RNF212B: variants seen among roughly 807,000 people sequenced by gnomAD.
The protein encoded by RNF212B is E3 ubiquitin-protein ligase RNF212B.
A neutral mutation model predicts 55.5 loss-of-function variants in RNF212B; 52 were observed. The observed-to-expected ratio is 0.94, with a 90% confidence interval of 0.75 to 1.18. The LOEUF (loss-of-function observed/expected upper bound fraction) is 1.18. Ranked by LOEUF, RNF212B falls within the 50% of genes most tolerant of loss-of-function variation. The pLI, the probability that RNF212B is intolerant of heterozygous loss-of-function variation, is 0.00. For synonymous variants in RNF212B, 99 were observed against 121.4 expected (o/e 0.82, Z 1.21); for missense variants, 289 against 350.4 (o/e 0.82, Z 1.40).
At chr14:23,214,156 A>C (rs932878003) in intron 2 of RNF212B, among the ~76,000 whole-genome samples, 1 of 152,142 alleles carries the variant, frequency 6.6e-6, no homozygotes, top group Non-Finnish European at 1.5e-5. Flanking sequence ...CACTTATAAA[A>C]TTTTTTTAAA....
chr14:23,251,814 C>CAAAAAAAAAAG, intron 4 of RNF212B, among the ~76,000 whole-genome samples: 1 of 136,406 alleles, frequency 7.3e-6, no homozygotes, highest in South Asian at 2.4e-4. Flanking sequence ...GACTCTGTCT[C>CAAAAAAAAAAG]AAAAAAAAAA....
At chr14:23,211,046 C>T (rs1293844815) in intron 2 of RNF212B, among the ~76,000 whole-genome samples, 3 of 151,764 alleles carry the variant, frequency 2.0e-5, no homozygotes, top group East Asian at 1.9e-4. Context: ...AGTGAAACCC[C>T]GTCTCTACTG....
intron 2 of RNF212B, among the ~76,000 whole-genome samples, chr14:23,214,942 T>C (rs1369479740): frequency 1.3e-5 from 2 of 152,172 alleles, no homozygotes; most frequent in African/African-American, 4.8e-5. Flanking sequence ...ACACTAATAA[T>C]TTTCAGAAAA....
intron 2 of RNF212B, among the ~76,000 whole-genome samples, chr14:23,214,241 C>T (rs1400387651): frequency 6.6e-6 from 1 of 152,182 alleles, no homozygotes; most frequent in Admixed American, 6.5e-5. Context: ...AGCCTGTAAT[C>T]CCAGCATTTT....
intron 4 of RNF212B, among the ~76,000 whole-genome samples, chr14:23,251,675 G>C (rs1358193657): frequency 6.6e-6 from 1 of 152,106 alleles, no homozygotes; most frequent in African/African-American, 2.4e-5. Flanking sequence ...AAGTAGATGG[G>C]TGTGGTGGCG....
intron 1 of RNF212B, among the ~76,000 whole-genome samples, chr14:23,238,434 A>T (rs1883291124): frequency 6.6e-6 from 1 of 151,764 alleles, no homozygotes; most frequent in African/African-American, 2.4e-5. Flanking sequence ...ACACACACAC[A>T]TCCTACGAAA....
At chr14:23,263,643 C>A (rs1463952228) in intron 9 of RNF212B, among the ~76,000 whole-genome samples, 1 of 152,132 alleles carries the variant, frequency 6.6e-6, no homozygotes, top group Non-Finnish European at 1.5e-5. Context: ...TCAGGGAATC[C>A]CTCCTCTTGG....
intron 11 of RNF212B, 82 bp downstream of exon 11, chr14:23,264,753 T>C: frequency 2.5e-6 from 2 of 784,852 alleles, no homozygotes. Context: ...ATGCATAATA[T>C]AATGCCATTT....
At chr14:23,241,494 G>T (rs1177522576) in intron 2 of RNF212B, among the ~76,000 whole-genome samples, 1 of 151,996 alleles carries the variant, frequency 6.6e-6, no homozygotes, top group Non-Finnish European at 1.5e-5. Context: ...CACAATCTTG[G>T]CTCACTGCAA....
intron 2 of RNF212B, among the ~76,000 whole-genome samples, chr14:23,230,470 C>T (rs11623889): frequency 0.16 from 24,947 of 151,604 alleles, 2,095 homozygotes; most frequent in Non-Finnish European, 0.18. Flanking sequence ...CTGGCTAACA[C>T]GGTGAAACCC....
intron 12 of RNF212B, among the ~76,000 whole-genome samples, chr14:23,269,335 C>A (rs1885912144): frequency 6.6e-6 from 1 of 152,112 alleles, no homozygotes; most frequent in Admixed American, 6.6e-5. Context: ...ACTCTGCCAG[C>A]AGTCCTGGGA....
At chr14:23,199,724 C>T (rs564433534) in intron 2 of RNF212B, among the ~76,000 whole-genome samples, 27 of 152,190 alleles carry the variant, frequency 1.8e-4, no homozygotes, top group African/African-American at 6.5e-4. Context: ...GAAAAAACAA[C>T]AACAAACAAA....
upstream of RNF212B, among the ~76,000 whole-genome samples, chr14:23,234,430 C>T (rs1882955733): frequency 6.6e-6 from 1 of 151,952 alleles, no homozygotes; most frequent in African/African-American, 2.4e-5. Context: ...AGAGTATTTA[C>T]TATTATTTTC....
intron 2 of RNF212B, among the ~76,000 whole-genome samples, chr14:23,241,099 G>C (rs1883532825): frequency 6.6e-6 from 1 of 152,008 alleles, no homozygotes; most frequent in Non-Finnish European, 1.5e-5. Flanking sequence ...AGGGACTTGG[G>C]GTAGGGTGTT....
chr14:23,218,321 T>C (rs763509977), intron 2 of RNF212B, among the ~76,000 whole-genome samples: 4 of 151,628 alleles, frequency 2.6e-5, no homozygotes, highest in Non-Finnish European at 4.4e-5. Context: ...TGAGCCAAGA[T>C]TGCACCTCTG....
At chr14:23,247,779 G>T (rs1269014988) in intron 4 of RNF212B, among the ~76,000 whole-genome samples, 1 of 151,826 alleles carries the variant, frequency 6.6e-6, no homozygotes, top group Non-Finnish European at 1.5e-5. Flanking sequence ...ATTCCTCTTG[G>T]GTATATACCT....
At chr14:23,206,353 G>A (rs930612232) in intron 2 of RNF212B, among the ~76,000 whole-genome samples, 2 of 152,180 alleles carry the variant, frequency 1.3e-5, no homozygotes, top group African/African-American at 2.4e-5. Context: ...GATTACAGGC[G>A]TGAGCCACCG....
intron 2 of RNF212B, among the ~76,000 whole-genome samples, chr14:23,220,686 G>C (rs553159056): frequency 6.6e-6 from 1 of 151,536 alleles, no homozygotes; most frequent in Non-Finnish European, 1.5e-5. Flanking sequence ...TTAGCTGGGC[G>C]TGGTGGCGGG....
chr14:23,244,303 T>C lies in RNF212B; in HGVS notation c.154-19T>C. 1.4e-6 allele frequency: 2 copies of C among 1,440,354 alleles called. No homozygotes were observed. The highest frequency in any genetic ancestry group is 2.5e-5 in the East Asian group (1 of 40,272). 89.2% of individuals were successfully genotyped at this position (1,440,354 alleles called of 1,614,324 possible). Reference sequence around the variant, plus strand: ...TTCAATTGTGGATATTCTCACAGTGTGTATTGCTCTCTTCGTAGCTGAAGC... The same window carrying C: ...TTCAATTGTGGATATTCTCACAGTGCGTATTGCTCTCTTCGTAGCTGAAGC... On this transcript the variant is annotated intron_variant, in intron 3 of 14. Coordinates refer to ENST00000430154, the MANE Select transcript of RNF212B (RefSeq NM_001282322.3).
Sources: allele counts gnomAD v4.1 joint callset (sites outside exome capture counted in the v4.1 genomes callset), GRCh38; gene constraint gnomAD v4.1.1; transcripts MANE v1.5; gene names NCBI Gene and HGNC (gene_info 2026-07-23, HGNC 2026-07-21).